Variants in PPP2R3A observed in about 807,000 individuals in gnomAD.
PPP2R3A encodes the protein protein phosphatase 2 regulatory subunit B''alpha.
In PPP2R3A, 80 loss-of-function variants were observed where a neutral mutation model predicts 106.9. The observed-to-expected ratio is 0.75, with a 90% CI of 0.62 to 0.90. The LOEUF (loss-of-function observed/expected upper bound fraction) is 0.90, where lower values mean the gene tolerates loss of function less well. PPP2R3A is among the 40% of genes least tolerant of loss of function. The pLI, the probability that PPP2R3A is intolerant of heterozygous loss-of-function variation, is 0.00. For synonymous variants in PPP2R3A, 483 were observed against 468.3 expected (o/e 1.03, Z -0.41); for missense variants, 1,386 against 1,350.4 (o/e 1.03, Z -0.41).
chr3:136,020,953 T>A (rs1447553554), intron 2 of PPP2R3A, among the ~76,000 whole-genome samples: 2 of 152,066 alleles, frequency 1.3e-5, no homozygotes, highest in Admixed American at 1.3e-4. Flanking sequence ...ACAGGAAGCC[T>A]TCATGAAATA....
intron 2 of PPP2R3A, among the ~76,000 whole-genome samples, chr3:136,010,719 C>T (rs1934038210): frequency 6.6e-6 from 1 of 152,052 alleles, no homozygotes; most frequent in African/African-American, 2.4e-5. Context: ...AGCCACCGCG[C>T]CCATCCCCAA....
intron 13 of PPP2R3A, among the ~76,000 whole-genome samples, chr3:136,113,191 G>T (rs1414735726): frequency 4.8e-5 from 2 of 41,326 alleles, no homozygotes; most frequent in Non-Finnish European, 8.5e-5. Context: ...ACAAAGCCAG[G>T]AGCATCACAC....
rs1934942086 is a variant in PPP2R3A at position 136,032,714 on chromosome 3, T to G, written c.2262+5616T>G. Reference sequence around the variant, plus strand: ...CATGCCCAGCTAATTTTTTGTGTTTTTAGTAGAGACGGGGTTTCACCATGT... The same window carrying G: ...CATGCCCAGCTAATTTTTTGTGTTTGTAGTAGAGACGGGGTTTCACCATGT... On this transcript the variant is annotated intron_variant, in intron 3 of 13. Transcript: ENST00000264977. 2.6e-5 allele frequency among the ~76,000 whole-genome samples: 4 copies of G among 152,156 alleles called. No homozygotes were observed. The South Asian group carries it at 8.3e-4, about 32-fold the overall frequency.
chr3:135,968,477 TGAG>T (rs1179834441), intron 1 of PPP2R3A, among the ~76,000 whole-genome samples: 1 of 152,024 alleles, frequency 6.6e-6, no homozygotes, highest in Admixed American at 6.6e-5. Flanking sequence ...GTGAATACCT[TGAG>T]GAAGAAAGGA....
At chr3:135,966,926 G>A (rs1337393016) in intron 1 of PPP2R3A, among the ~76,000 whole-genome samples, 1 of 151,844 alleles carries the variant, frequency 6.6e-6, no homozygotes, top group Non-Finnish European at 1.5e-5. Flanking sequence ...TAGACCCTAA[G>A]AATTGCCATA....
In PPP2R3A at chr3:136,142,530, G is replaced by T. The variant is rs187005297; in HGVS notation, c.3330-2513G>T. 2.6e-5 allele frequency among the ~76,000 whole-genome samples: 4 copies of T among 152,222 alleles called. No individual in the cohort carries two copies. The East Asian group carries it at 7.7e-4, about 29-fold the overall frequency. ...AATCCCTCCCCCAATATAGGATTAGGTGTCACTCACCAACATGCCCAAAAT... is the reference window on the plus strand; with the variant it reads ...AATCCCTCCCCCAATATAGGATTAGTTGTCACTCACCAACATGCCCAAAAT... On this transcript the variant is annotated intron_variant, in intron 13 of 13. Transcript: ENST00000264977.
In PPP2R3A at chr3:136,146,261, C is replaced by T. The variant is rs1488318227; in HGVS notation, c.*1095C>T. 2.0e-5 allele frequency: 3 copies of T among 152,182 alleles called. No individual in the cohort carries two copies. In the East Asian group the frequency reaches 5.8e-4, roughly 29 times the overall value. 9.4% of individuals were successfully genotyped at this position (152,182 alleles called of 1,614,324 possible). On this transcript the variant is annotated 3_prime_UTR_variant, in exon 14 of 14. Coordinates refer to ENST00000264977, the MANE Select transcript of PPP2R3A (RefSeq NM_002718.5). ...CCTACATTTTTCAGCAGGCCACAGT[C>T]CAGCCAAATCCTATAATATCCTTGA...
chr3:135,976,857 G>A (rs1937434413), intron 1 of PPP2R3A, among the ~76,000 whole-genome samples: 1 of 152,050 alleles, frequency 6.6e-6, no homozygotes, highest in South Asian at 2.1e-4. Context: ...TTTGTGAATA[G>A]TGTGAGGGAA....
At chr3:136,110,368 C>T (rs924800907) in intron 13 of PPP2R3A, among the ~76,000 whole-genome samples, 1 of 151,922 alleles carries the variant, frequency 6.6e-6, no homozygotes, top group African/African-American at 2.4e-5. Context: ...TAAACCAACA[C>T]TAGAACCAGT....
intron 2 of PPP2R3A, among the ~76,000 whole-genome samples, chr3:136,008,184 T>G (rs748992515): frequency 2.6e-5 from 4 of 152,238 alleles, no homozygotes; most frequent in African/African-American, 4.8e-5. Context: ...AACACTTTTC[T>G]CTCTTTACTT....
At chr3:136,017,282 T>A (rs1934310651) in intron 2 of PPP2R3A, among the ~76,000 whole-genome samples, 1 of 152,206 alleles carries the variant, frequency 6.6e-6, no homozygotes, top group Non-Finnish European at 1.5e-5. Context: ...GATAACCTGA[T>A]GACTGTGCCT....
rs546365633 is a variant in PPP2R3A, at chr3:136,054,558, A to G, written c.2469+5197A>G. ...AGGCATGAGCCACCGCGTCCAGCCTACTTCACAATTCTTAACGCTATTCTA... is the reference window on the plus strand; with the variant it reads ...AGGCATGAGCCACCGCGTCCAGCCTGCTTCACAATTCTTAACGCTATTCTA... On this transcript the variant is annotated intron_variant, in intron 5 of 13. Coordinates refer to ENST00000264977, the MANE Select transcript of PPP2R3A (RefSeq NM_002718.5). Among the ~76,000 whole-genome samples, 9 of 152,294 alleles carry G rather than the reference A, an allele frequency of 5.9e-5. No homozygotes were observed. The South Asian group carries it at 1.2e-3, about 21-fold the overall frequency.
intron 13 of PPP2R3A, among the ~76,000 whole-genome samples, chr3:136,107,700 C>T (rs1937540678): frequency 6.6e-6 from 1 of 152,108 alleles, no homozygotes; most frequent in Non-Finnish European, 1.5e-5. Context: ...ATTTCTTTAA[C>T]CTGCTTAGCC....
At chr3:136,010,288 TCA>T (rs1186587571) in intron 2 of PPP2R3A, among the ~76,000 whole-genome samples, 1 of 144,756 alleles carries the variant, frequency 6.9e-6, no homozygotes, top group Non-Finnish European at 1.5e-5. Flanking sequence ...AGGTGGAGTC[TCA>T]CTCTATTGCC....
At chr3:136,127,288 C>G (rs752945188) in intron 13 of PPP2R3A, among the ~76,000 whole-genome samples, 2 of 152,112 alleles carry the variant, frequency 1.3e-5, no homozygotes, top group Non-Finnish European at 2.9e-5. Flanking sequence ...AGACGAATGG[C>G]TAACTAGAAT....
At chr3:136,113,076 T>G (rs1937620297) in intron 13 of PPP2R3A, among the ~76,000 whole-genome samples, 1 of 151,558 alleles carries the variant, frequency 6.6e-6, no homozygotes, top group Non-Finnish European at 1.5e-5. Context: ...GAGGTTGCAG[T>G]GAGCTGGGAT....
At chr3:136,093,697 A>G (rs540779848) in intron 10 of PPP2R3A, among the ~76,000 whole-genome samples, 2 of 152,316 alleles carry the variant, frequency 1.3e-5, no homozygotes, top group Non-Finnish European at 2.9e-5. Flanking sequence ...CAAAACCACA[A>G]TGAGATACCA....
Position 136,001,593 on chromosome 3 carries a change from C to A in PPP2R3A, c.95C>A (p.Thr32Asn). The A allele has an allele frequency of 6.2e-7, 1 of 1,614,166 alleles. No homozygotes were observed. The highest frequency in any genetic ancestry group is 1.1e-5 in the South Asian group (1 of 91,084). ...RRFEQAIHYC[T>N]GTCHTFTHGI... is the part of the protein sequence containing the mutation. ...TTTGAACAAGCTATACATTATTGCA[C>A]TGGAACCTGCCACACCTTCACACAT... The change falls in exon 2 of 14, where the codon ACT becomes AAT. Residue 32 changes from threonine (T) to asparagine (N), a missense_variant. Thr to Asn is a moderately conservative substitution (Grantham distance 65, BLOSUM62 0). Coordinates refer to ENST00000264977, the MANE Select transcript of PPP2R3A (RefSeq NM_002718.5).
intron 2 of PPP2R3A, among the ~76,000 whole-genome samples, chr3:136,020,844 A>G (rs1934441278): frequency 6.6e-6 from 1 of 152,094 alleles, no homozygotes; most frequent in African/African-American, 2.4e-5. Context: ...GCTAAATAAG[A>G]TAATATGTTA....
Sources: gnomAD v4.1 joint callset for allele counts (sites outside exome capture counted in the v4.1 genomes callset) on GRCh38, gnomAD v4.1.1 for gene constraint, MANE v1.5 for transcripts, NCBI Gene and HGNC (gene_info 2026-07-23, HGNC 2026-07-21) for gene names.